Variants in NKAIN2 observed in about 807,000 individuals in gnomAD.
NKAIN2 encodes the protein sodium/potassium transporting ATPase interacting 2.
A neutral mutation model predicts 32.6 loss-of-function variants in NKAIN2; 14 were observed. The ratio of observed to expected loss-of-function variants is 0.43; its 90% CI spans 0.28 to 0.67. The LOEUF is 0.67. NKAIN2 is among the 30% of genes least tolerant of loss of function. The pLI is 0.17. For synonymous variants in NKAIN2, 80 were observed against 87.2 expected (o/e 0.92, Z 0.46); for missense variants, 198 against 258.3 (o/e 0.77, Z 1.60).
In NKAIN2 at chr6:124,580,116, A is replaced by G. The variant is rs371645588; in HGVS notation, c.274-78070A>G. On this transcript the variant is annotated intron_variant, in intron 3 of 6. Transcript: ENST00000368417. The stretch of plus-strand genomic sequence containing the variant: ...GTTCTGCAATATGAGAGAAAAAGAC[A>G]TTAGTGAGCAATAAGAAATCATCTG... Among the ~76,000 whole-genome samples, 4 of 152,328 alleles carry G rather than the reference A, an allele frequency of 2.6e-5. No individual in the cohort carries two copies. The South Asian group carries it at 8.3e-4, about 32-fold the overall frequency.
chr6:124,388,167 T>C (rs1406609582), intron 3 of NKAIN2, among the ~76,000 whole-genome samples: 1 of 150,406 alleles, frequency 6.6e-6, no homozygotes, highest in East Asian at 1.9e-4. Context: ...TTTTTTAACC[T>C]GAATTATTAA....
intron 1 of NKAIN2, among the ~76,000 whole-genome samples, chr6:123,806,138 C>T (rs1171829992): frequency 6.6e-6 from 1 of 152,106 alleles, no homozygotes; most frequent in Non-Finnish European, 1.5e-5. Flanking sequence ...TCCATACATA[C>T]AATGGTGTCT....
At chr6:124,401,746 T>A (rs555051408) in intron 3 of NKAIN2, among the ~76,000 whole-genome samples, 7 of 152,194 alleles carry the variant, frequency 4.6e-5, no homozygotes, top group South Asian at 2.1e-4. Context: ...AACCTCTTGA[T>A]CATTTTTCTA....
chr6:124,077,005 G>A (rs9320977), intron 1 of NKAIN2, among the ~76,000 whole-genome samples: 37,388 of 152,120 alleles, frequency 0.25, 6,368 homozygotes, highest in African/African-American at 0.48. Context: ...CTATTTTTTA[G>A]ATGAATGTAT....
intron 4 of NKAIN2, among the ~76,000 whole-genome samples, chr6:124,725,905 G>T (rs1219536185): frequency 6.6e-6 from 1 of 152,242 alleles, no homozygotes; most frequent in Non-Finnish European, 1.5e-5. Context: ...GAAGCGCAAG[G>T]GGTCAGGGAG....
intron 1 of NKAIN2, among the ~76,000 whole-genome samples, chr6:124,127,070 G>T (rs115201748): frequency 0.01 from 1,561 of 152,224 alleles, 34 homozygotes; most frequent in African/African-American, 0.035. Flanking sequence ...TATATATAGA[G>T]AGAGAGAGAA....
At chr6:124,765,740 A>G (rs1778485837) in intron 4 of NKAIN2, among the ~76,000 whole-genome samples, 1 of 152,196 alleles carries the variant, frequency 6.6e-6, no homozygotes, top group South Asian at 2.1e-4. Context: ...ACCACCCTGA[A>G]TCTCTAAAAA....
chr6:123,938,585 AG>A (rs1432972243), intron 1 of NKAIN2, among the ~76,000 whole-genome samples: 61 of 140,686 alleles, frequency 4.3e-4, no homozygotes, highest in Non-Finnish European at 7.5e-4. Flanking sequence ...ATATTTATAT[AG>A]TTTTTATATA....
At chr6:124,620,707 A>G (rs1044581991) in intron 3 of NKAIN2, among the ~76,000 whole-genome samples, 6 of 152,210 alleles carry the variant, frequency 3.9e-5, no homozygotes, top group South Asian at 2.1e-4. Flanking sequence ...GCTTTTTAAC[A>G]GTGTGTATGG....
At chr6:124,082,789 AG>A (rs1178994282) in intron 1 of NKAIN2, among the ~76,000 whole-genome samples, 1 of 152,082 alleles carries the variant, frequency 6.6e-6, no homozygotes, top group African/African-American at 2.4e-5. Flanking sequence ...TTTACAAAAT[AG>A]AAATCAATCC....
At chr6:124,423,272 C>T (rs750260669) in intron 3 of NKAIN2, among the ~76,000 whole-genome samples, 4 of 152,156 alleles carry the variant, frequency 2.6e-5, no homozygotes, top group African/African-American at 4.8e-5. Flanking sequence ...ATTGATCTTA[C>T]AGCCAATGAA....
chr6:124,367,406 C>A (rs1480423051), intron 3 of NKAIN2, among the ~76,000 whole-genome samples: 1 of 152,108 alleles, frequency 6.6e-6, no homozygotes, highest in African/African-American at 2.4e-5. Flanking sequence ...GGGACTTTTT[C>A]TTCCCCTCCA....
At chr6:124,120,387 G>T (rs1785822634) in intron 1 of NKAIN2, among the ~76,000 whole-genome samples, 1 of 151,958 alleles carries the variant, frequency 6.6e-6, no homozygotes, top group Admixed American at 6.6e-5. Context: ...TAACATTAGT[G>T]GATAATAATA....
intron 1 of NKAIN2, among the ~76,000 whole-genome samples, chr6:124,040,029 A>G (rs1017281412): frequency 6.6e-6 from 1 of 152,020 alleles, no homozygotes. Context: ...ATCTGGATTC[A>G]GTAATCAATG....
chr6:124,039,898 C>G (rs1781787505), intron 1 of NKAIN2, among the ~76,000 whole-genome samples: 1 of 151,946 alleles, frequency 6.6e-6, no homozygotes, highest in Non-Finnish European at 1.5e-5. Context: ...TTTACTTTAA[C>G]AAGAATGCTT....
intron 1 of NKAIN2, among the ~76,000 whole-genome samples, chr6:124,058,516 C>T (rs1782773933): frequency 6.6e-6 from 1 of 151,994 alleles, no homozygotes; most frequent in African/African-American, 2.4e-5. Context: ...TTGCAAAACA[C>T]ATCCAATATT....
chr6:124,091,775 T>G (rs1267784877), intron 1 of NKAIN2, among the ~76,000 whole-genome samples: 10 of 152,004 alleles, frequency 6.6e-5, no homozygotes, highest in Non-Finnish European at 1.5e-4. Flanking sequence ...TTGTTTACCT[T>G]CGGTAGTCCT....
At chr6:123,845,977 G>A (rs982018620) in intron 1 of NKAIN2, among the ~76,000 whole-genome samples, 6 of 151,760 alleles carry the variant, frequency 4.0e-5, no homozygotes, top group Non-Finnish European at 8.8e-5. Context: ...CACTTTACCG[G>A]GTCTCTCTGA....
At chr6:124,569,864 G>A (rs1051801496) in intron 3 of NKAIN2, among the ~76,000 whole-genome samples, 1 of 152,204 alleles carries the variant, frequency 6.6e-6, no homozygotes, top group Admixed American at 6.5e-5. Flanking sequence ...ACAGGCAGAG[G>A]TTGGAATAGT....
Sources: allele counts gnomAD v4.1 joint callset (sites outside exome capture counted in the v4.1 genomes callset), GRCh38; gene constraint gnomAD v4.1.1; transcripts MANE v1.5; gene names NCBI Gene and HGNC (gene_info 2026-07-23, HGNC 2026-07-21).